ORC4: variants seen among roughly 807,000 people sequenced by gnomAD.
ORC4 encodes the protein origin recognition complex subunit 4, also known as origin recognition complex, subunit 4 homolog.
Under a neutral mutation model 63.9 loss-of-function variants are expected in ORC4, and 55 were observed. The ratio of observed to expected loss-of-function variants is 0.86; its 90% confidence interval spans 0.69 to 1.08. The LOEUF is 1.08. Among genes scored for constraint, ORC4 ranks in the 50% least tolerant of loss-of-function variants. The pLI is 0.00. For synonymous variants in ORC4, 150 were observed against 168.5 expected (o/e 0.89, Z 0.85); for missense variants, 511 against 504.4 (o/e 1.01, Z -0.13).
rs761357920 is a variant in ORC4 at position 147,958,807 on chromosome 2, T to C, written c.285A>G (p.Leu95=). Residue 95 remains leucine, a synonymous_variant, in exon 5 of 14, where the codon TTA becomes TTG. Coordinates refer to ENST00000392857, the MANE Select transcript of ORC4 (RefSeq NM_181741.4). ...CATACTTACCATTTAAGTGAACTTG[T>C]AATACATTTTCACTCACTTCTTCTA... is the stretch of plus-strand genomic sequence containing the variant. ...MEIEEVSENV[L]QVHLNGLLQI... 1.4e-6 allele frequency: 2 copies of C among 1,459,290 alleles called. No individual in the cohort carries two copies. Among genetic ancestry groups the C allele is most frequent in the Non-Finnish European group, 1.9e-6 (2 of 1,040,378 alleles). The allele number at this position is 1,459,290 out of a possible 1,614,324, so 90.4% of individuals were successfully genotyped here.
intron 1 of ORC4, among the ~76,000 whole-genome samples, chr2:147,988,391 G>A (rs551044594): frequency 3.5e-4 from 53 of 149,582 alleles, no homozygotes; most frequent in African/African-American, 1.2e-3. Context: ...ACAGAATCTC[G>A]CTCTGTCGCC....
intron 10 of ORC4, among the ~76,000 whole-genome samples, chr2:147,942,357 T>A (rs1398937731): frequency 6.6e-6 from 1 of 152,122 alleles, no homozygotes; most frequent in Non-Finnish European, 1.5e-5. Context: ...GTACTTCTTG[T>A]TTGATATTGG....
chr2:147,990,218 A>T (rs996552932), intron 1 of ORC4, among the ~76,000 whole-genome samples: 2 of 152,228 alleles, frequency 1.3e-5, no homozygotes, highest in Non-Finnish European at 2.9e-5. Context: ...TCAGTTCGAT[A>T]AAATGTTCTT....
In ORC4 at chr2:147,939,825, C is replaced by T. The variant is rs17225628; in HGVS notation, c.850-577G>A. Among the ~76,000 whole-genome samples, 674 of 152,252 alleles carry T rather than the reference C, an allele frequency of 4.4e-3. 4 individuals carry two copies. Among genetic ancestry groups the T allele is most frequent in the Non-Finnish European group, 7.1e-3 (484 of 68,022 alleles). Reference sequence around the variant, plus strand: ...CAGAGGTCCTGGACCAGAGTTGCTACTCAAGTATTTGAAGATTTCCTTCCT... The same window carrying T: ...CAGAGGTCCTGGACCAGAGTTGCTATTCAAGTATTTGAAGATTTCCTTCCT... On this transcript the variant is annotated intron_variant, in intron 10 of 13. Transcript: ENST00000392857.
In ORC4 at chr2:147,932,027, A is replaced by T. The variant is rs1282727370; in HGVS notation, c.*3483T>A. On this transcript the variant is annotated 3_prime_UTR_variant, in exon 14 of 14. Transcript: ENST00000392857. ...AGAGGAAGTCAAATTGTCCGTTTGCAGACGACATGATTGTATATCTAGAAA... is the reference window on the plus strand; with the variant it reads ...AGAGGAAGTCAAATTGTCCGTTTGCTGACGACATGATTGTATATCTAGAAA... The T allele has an allele frequency of 1.3e-5, 2 of 152,124 alleles. No homozygotes were observed. Among genetic ancestry groups the T allele is most frequent in the Non-Finnish European group, 2.9e-5 (2 of 68,024 alleles). 9.4% of individuals were successfully genotyped at this position (152,124 alleles called of 1,614,324 possible). A position where few individuals can be genotyped will look rare whatever the true frequency, so the allele number is the denominator to read the frequency against.
At position 147,938,290 on chromosome 2, in the gene ORC4, C is replaced by T. The variant is rs369212077; in HGVS notation, c.1054+8G>A. ...AGTCAGAAAAAAGCTACTTAAGTCTCATCTCACCATTATAGACCATTTGAA... is the reference window on the plus strand; with the variant it reads ...AGTCAGAAAAAAGCTACTTAAGTCTTATCTCACCATTATAGACCATTTGAA... On this transcript the variant is annotated splice_region_variant and intron_variant, in intron 12 of 13. Coordinates refer to ENST00000392857, the MANE Select transcript of ORC4 (RefSeq NM_181741.4). 11 of 1,595,012 alleles carry T rather than the reference C, an allele frequency of 6.9e-6. No homozygotes were observed. Among genetic ancestry groups the T allele is most frequent in the Non-Finnish European group, 9.5e-6 (11 of 1,163,170 alleles).
chr2:147,941,334 A>G lies in ORC4; in HGVS notation c.850-2086T>C, dbSNP rs879437829. Among the ~76,000 whole-genome samples the G allele has an allele frequency of 2.0e-5, 3 of 152,028 alleles. No individual in the cohort carries two copies. The East Asian group carries it at 5.8e-4, about 29-fold the overall frequency. The stretch of plus-strand genomic sequence containing the variant: ...ATGTCTTCCTGTGCATTAGGTAACT[A>G]GACTTTCTCTAATTAGTATGTTTCT... On this transcript the variant is annotated intron_variant, in intron 10 of 13. Coordinates refer to ENST00000392857, the MANE Select transcript of ORC4 (RefSeq NM_181741.4).
intron 1 of ORC4, among the ~76,000 whole-genome samples, chr2:147,999,670 T>C (rs1416679315): frequency 1.3e-5 from 2 of 152,050 alleles, no homozygotes; most frequent in Non-Finnish European, 2.9e-5. Flanking sequence ...TTATTAACCC[T>C]AGAAAAAAGG....
At chr2:148,002,019 T>C (rs1692343711) in intron 1 of ORC4, among the ~76,000 whole-genome samples, 1 of 152,104 alleles carries the variant, frequency 6.6e-6, no homozygotes, top group African/African-American at 2.4e-5. Flanking sequence ...AAGAAGGACA[T>C]TACATAATGA....
chr2:148,015,307 A>AT (rs1158861758), intron 1 of ORC4, among the ~76,000 whole-genome samples: 9,972 of 92,332 alleles, frequency 0.11, 807 homozygotes, highest in African/African-American at 0.2. Context: ...TGATATTGGA[A>AT]TTTTTTTTTT....
At chr2:147,950,322 G>C (rs1243626850) in intron 8 of ORC4, among the ~76,000 whole-genome samples, 2 of 152,112 alleles carry the variant, frequency 1.3e-5, no homozygotes. Flanking sequence ...ACAGAAGTTG[G>C]CAATGTGGGC....
At chr2:147,938,110 T>C (rs1688154988) in intron 13 of ORC4, 36 bp downstream of exon 13, 3 of 1,382,188 alleles carry the variant, frequency 2.2e-6, no homozygotes, top group Non-Finnish European at 3.1e-6. Context: ...AAAAATATAC[T>C]TGTCTGTAGA....
At chr2:148,006,060 A>C (rs1030981410) in intron 1 of ORC4, among the ~76,000 whole-genome samples, 1 of 152,200 alleles carries the variant, frequency 6.6e-6, no homozygotes, top group Non-Finnish European at 1.5e-5. Context: ...TTTTAACATA[A>C]TATCAAGGAA....
intron 1 of ORC4, among the ~76,000 whole-genome samples, chr2:148,014,873 G>A (rs967023561): frequency 6.6e-6 from 1 of 152,040 alleles, no homozygotes; most frequent in Non-Finnish European, 1.5e-5. Context: ...TGTGGATTGT[G>A]GTATCTGCAC....
chr2:147,962,476 G>A (rs903003588), intron 4 of ORC4, among the ~76,000 whole-genome samples: 2 of 152,070 alleles, frequency 1.3e-5, no homozygotes, highest in African/African-American at 2.4e-5. Flanking sequence ...CAGTACTAGG[G>A]GTCCATCTTC....
chr2:147,986,824 T>C (rs1573850016), intron 1 of ORC4, among the ~76,000 whole-genome samples: 1 of 135,440 alleles, frequency 7.4e-6, no homozygotes, highest in South Asian at 2.3e-4. Flanking sequence ...CTAGTGACCT[T>C]TGAATCCACT....
rs1187993584 is a variant in ORC4, at chr2:147,931,678, G to C, written c.*3832C>G. ...TACGCAAATCAATGAATGTAATCCA[G>C]CATATAAACAGAGCCAAAGACAAAA... On this transcript the variant is annotated 3_prime_UTR_variant, in exon 14 of 14. Coordinates refer to ENST00000392857, the MANE Select transcript of ORC4 (RefSeq NM_181741.4). 6.6e-6 allele frequency: 1 copy of C among 152,066 alleles called. No individual in the cohort carries two copies. Among genetic ancestry groups the C allele is most frequent in the Non-Finnish European group, 1.5e-5 (1 of 68,006 alleles). 9.4% of individuals were successfully genotyped at this position (152,066 alleles called of 1,614,324 possible).
chr2:148,000,752 T>C (rs1232987876), intron 1 of ORC4, among the ~76,000 whole-genome samples: 1 of 152,078 alleles, frequency 6.6e-6, no homozygotes, highest in Non-Finnish European at 1.5e-5. Flanking sequence ...TCTGAATATA[T>C]GGAAAGGCTG....
intron 6 of ORC4, 127 bp from the exon 7 acceptor site, chr2:147,955,522 TCTG>T (rs1433302474): frequency 5.9e-6 from 4 of 682,004 alleles, no homozygotes; most frequent in Non-Finnish European, 1.0e-5. Flanking sequence ...TTGCCCAGAC[TCTG>T]CTGAGTGTCT....
Sources: allele counts gnomAD v4.1 joint callset (sites outside exome capture counted in the v4.1 genomes callset), GRCh38; gene constraint gnomAD v4.1.1; transcripts MANE v1.5; gene names NCBI Gene and HGNC (gene_info 2026-07-23, HGNC 2026-07-21).